MAGI2: variants seen among roughly 807,000 people sequenced by gnomAD.
The protein encoded by MAGI2 is membrane associated guanylate kinase, WW and PDZ domain containing 2.
In MAGI2, 35 loss-of-function variants were observed where a neutral mutation model predicts 133.3. The observed-to-expected ratio is 0.26, with a 90% CI of 0.20 to 0.35. MAGI2 has a LOEUF of 0.35. Among genes scored for constraint, MAGI2 ranks in the 10% least tolerant of loss-of-function variants. The pLI, the probability that MAGI2 is intolerant of heterozygous loss-of-function variation, is 1.00. For missense variants in MAGI2, 1,636 were observed against 1,863.4 expected (o/e 0.88, Z 2.25); for synonymous variants, 729 against 710.6 (o/e 1.03, Z -0.41).
intron 16 of MAGI2, among the ~76,000 whole-genome samples, chr7:78,157,731 T>C (rs1222881617): frequency 6.6e-6 from 1 of 152,210 alleles, no homozygotes; most frequent in East Asian, 1.9e-4. Flanking sequence ...CTTCCTCAAG[T>C]GTAAATTATT....
intron 2 of MAGI2, among the ~76,000 whole-genome samples, chr7:78,925,119 T>C (rs1487892782): frequency 6.6e-6 from 1 of 152,034 alleles, no homozygotes; most frequent in East Asian, 1.9e-4. Flanking sequence ...TTTTAAGTAA[T>C]TTAGCTGTGC....
intron 2 of MAGI2, among the ~76,000 whole-genome samples, chr7:78,982,087 G>A (rs535909720): frequency 3.3e-4 from 47 of 144,362 alleles, no homozygotes; most frequent in Admixed American, 1.1e-3. Context: ...TTCTGGCGAC[G>A]GGGCTTTAAT....
intron 2 of MAGI2, among the ~76,000 whole-genome samples, chr7:78,671,710 G>A (rs1450813893): frequency 2.6e-5 from 4 of 152,220 alleles, no homozygotes; most frequent in Middle Eastern, 3.4e-3. Context: ...AGCTAAAACC[G>A]TCTGATGTTT....
chr7:78,784,622 A>G (rs1470380189), intron 2 of MAGI2, among the ~76,000 whole-genome samples: 1 of 152,166 alleles, frequency 6.6e-6, no homozygotes, highest in African/African-American at 2.4e-5. Context: ...ACAGAGGCCA[A>G]AAAAAATCTG....
intron 1 of MAGI2, among the ~76,000 whole-genome samples, chr7:79,076,309 G>A (rs966258224): frequency 6.6e-6 from 1 of 152,216 alleles, no homozygotes; most frequent in South Asian, 2.1e-4. Context: ...GTTGCATTGA[G>A]AGGATCTACT....
Position 78,343,942 on chromosome 7 carries a change from C to A in MAGI2, c.1244G>T (p.Arg415Leu). Reference sequence around the variant, plus strand: ...TGTTCCCTTCAACTGGGATGCATCCCGGGTGAAGAGTGGTTTTTCTACATT... The same window carrying A: ...TGTTCCCTTCAACTGGGATGCATCCAGGGTGAAGAGTGGTTTTTCTACATT... ...PGFREKPLFT[R>L]DASQLKGTFL... Residue 415 changes from arginine to leucine, a missense_variant, in exon 9 of 22, where the codon CGG becomes CTG. By Grantham distance (102) the Arg-to-Leu change is moderately radical. Coordinates refer to ENST00000354212, the MANE Select transcript of MAGI2 (RefSeq NM_012301.4). 6.2e-7 allele frequency: 1 copy of A among 1,608,302 alleles called. No individual in the cohort carries two copies. Among genetic ancestry groups the A allele is most frequent in the Non-Finnish European group, 8.5e-7 (1 of 1,178,258 alleles).
chr7:79,025,362 G>T (rs1367981816), intron 1 of MAGI2, among the ~76,000 whole-genome samples: 2 of 152,130 alleles, frequency 1.3e-5, no homozygotes, highest in Non-Finnish European at 2.9e-5. Flanking sequence ...GGTAGAGGTT[G>T]GGAAAAGGAT....
chr7:78,814,645 A>G (rs574531014), intron 2 of MAGI2, among the ~76,000 whole-genome samples: 47 of 152,248 alleles, frequency 3.1e-4, no homozygotes, highest in East Asian at 9.6e-4. Context: ...AACCCTGGTG[A>G]AACTTAAGGA....
At chr7:79,118,242 G>T (rs1174776695) in intron 1 of MAGI2, among the ~76,000 whole-genome samples, 1 of 152,138 alleles carries the variant, frequency 6.6e-6, no homozygotes, top group Non-Finnish European at 1.5e-5. Flanking sequence ...CTTTGCACTT[G>T]CAAACATGCT....
intron 2 of MAGI2, among the ~76,000 whole-genome samples, chr7:78,848,829 C>G (rs1295993630): frequency 6.6e-6 from 1 of 151,974 alleles, no homozygotes; most frequent in African/African-American, 2.4e-5. Flanking sequence ...TCATCCACGA[C>G]CAGCCCTGTT....
chr7:78,201,824 G>A (rs1829282351), intron 10 of MAGI2, among the ~76,000 whole-genome samples: 1 of 152,090 alleles, frequency 6.6e-6, no homozygotes, highest in Non-Finnish European at 1.5e-5. Context: ...CATGTATCAT[G>A]GAAGCCTTTT....
chr7:78,739,701 G>A lies in MAGI2; in HGVS notation c.419-112462C>T, dbSNP rs149820396. On this transcript the variant is annotated intron_variant, in intron 2 of 21. Transcript: ENST00000354212. Reference sequence around the variant, plus strand: ...AACGGTGTTTTCTTCTTAAAGCCTCGTGAAAGCAATTTCTTAGTTCTCTAC... The same window carrying A: ...AACGGTGTTTTCTTCTTAAAGCCTCATGAAAGCAATTTCTTAGTTCTCTAC... Among the ~76,000 whole-genome samples, 1,207 of 152,174 alleles carry A rather than the reference G, an allele frequency of 7.9e-3. 20 individuals are homozygous for A. Among genetic ancestry groups the A allele is most frequent in the African/African-American group, 0.026 (1,097 of 41,490 alleles).
chr7:78,555,133 GAAATAAATAAAT>G (rs199696275), intron 3 of MAGI2, among the ~76,000 whole-genome samples: 1 of 130,060 alleles, frequency 7.7e-6, no homozygotes, highest in African/African-American at 2.7e-5. Flanking sequence ...GGCACTGTCA[GAAATAAATAAAT>G]AAATAAATAA....
intron 2 of MAGI2, among the ~76,000 whole-genome samples, chr7:78,955,214 C>A (rs946051265): frequency 4.0e-5 from 6 of 151,814 alleles, no homozygotes; most frequent in African/African-American, 1.5e-4. Context: ...CTGCTTCATT[C>A]CAAATTTTAT....
intron 1 of MAGI2, among the ~76,000 whole-genome samples, chr7:79,364,713 T>C (rs1475572672): frequency 2.0e-5 from 3 of 151,980 alleles, no homozygotes; most frequent in East Asian, 3.9e-4. Flanking sequence ...CTTAAGTAAA[T>C]AGTGCTGAAG....
intron 9 of MAGI2, among the ~76,000 whole-genome samples, chr7:78,306,319 T>C (rs1798242180): frequency 6.6e-6 from 1 of 152,208 alleles, no homozygotes; most frequent in Admixed American, 6.5e-5. Flanking sequence ...TGTCAGATGG[T>C]ATAAAATGGG....
In MAGI2 at chr7:78,573,059, A is replaced by ATG. The variant is rs1240635830; in HGVS notation, c.539-51415_539-51414insCA. Among the ~76,000 whole-genome samples, 80 of 104,574 alleles carry ATG rather than the reference A, an allele frequency of 7.7e-4. 1 individual carries two copies. Among genetic ancestry groups the ATG allele is most frequent in the Non-Finnish European group, 1.4e-3 (74 of 54,108 alleles). The allele number at this position is 104,574 out of a possible 152,430, so 68.6% of individuals were successfully genotyped here. ...TGTATATATATATATATATATATAT[A>ATG]TATATATATATATATATACACACAC... On this transcript the variant is annotated intron_variant, in intron 3 of 21. Transcript: ENST00000354212.
chr7:78,673,251 T>C (rs1343809292), intron 2 of MAGI2, among the ~76,000 whole-genome samples: 1 of 151,894 alleles, frequency 6.6e-6, no homozygotes, highest in African/African-American at 2.4e-5. Flanking sequence ...TCCAGAGAAA[T>C]AGAACCAATA....
chr7:78,255,870 A>C, intron 10 of MAGI2, 73 bp downstream of exon 10: 1 of 1,428,748 alleles, frequency 7.0e-7, no homozygotes, highest in Non-Finnish European at 9.7e-7. Flanking sequence ...GGAAATCTGC[A>C]TTTTAACAAT....
Sources: gnomAD v4.1 joint callset for allele counts (sites outside exome capture counted in the v4.1 genomes callset) on GRCh38, gnomAD v4.1.1 for gene constraint, MANE v1.5 for transcripts, NCBI Gene and HGNC (gene_info 2026-07-23, HGNC 2026-07-21) for gene names.